The following CENPW variants were observed in gnomAD, a reference collection of about 807,000 sequenced individuals.
CENPW encodes centromere protein W.
A neutral mutation model predicts 11.1 loss-of-function variants in CENPW; 3 were observed. That is an observed-to-expected ratio of 0.27 (90% confidence interval 0.12 to 0.70). The LOEUF is 0.70. Ranked by LOEUF, CENPW falls within the 30% of genes least tolerant of loss-of-function variation. The pLI is 0.77. For synonymous variants in CENPW, 38 were observed against 42.0 expected (o/e 0.91, Z 0.37); for missense variants, 100 against 105.6 (o/e 0.95, Z 0.23).
In CENPW at chr6:126,346,334, CT is replaced by C; in HGVS notation, c.240+20del. The C allele has an allele frequency of 6.6e-7, 1 of 1,519,200 alleles. No individual in the cohort carries two copies. Among genetic ancestry groups the C allele is most frequent in the Admixed American group, 1.7e-5 (1 of 58,240 alleles). 94.1% of individuals were successfully genotyped at this position (1,519,200 alleles called of 1,614,324 possible). A position where few individuals can be genotyped will look rare whatever the true frequency, so the allele number is the denominator to read the frequency against. On this transcript the variant is annotated intron_variant, in intron 2 of 2. Transcript: ENST00000368328. ...CGCAGCAAAGGTAAAATCCAAATTT[CT>C]TTTCTCGAGCAAGAATTAAACTTCA...
the CENPW span, among the ~76,000 whole-genome samples, chr6:126,429,643 T>C: frequency 6.6e-6 from 1 of 152,208 alleles, no homozygotes. Flanking sequence ...AAAACTCTTT[T>C]CTTTATAAAT....
the CENPW span, among the ~76,000 whole-genome samples, chr6:126,471,685 G>GA: frequency 2.6e-5 from 4 of 152,048 alleles, no homozygotes; most frequent in Admixed American, 6.5e-5. Context: ...AAAGTTGGTA[G>GA]AAAAAACCAG....
the CENPW span, among the ~76,000 whole-genome samples, chr6:126,467,001 C>A: frequency 6.6e-6 from 1 of 151,978 alleles, no homozygotes; most frequent in Non-Finnish European, 1.5e-5. Context: ...TCAGAGATGA[C>A]ACAAGTGAAA....
chr6:126,369,901 G>A, the CENPW span, among the ~76,000 whole-genome samples: 1 of 152,110 alleles, frequency 6.6e-6, no homozygotes, highest in Non-Finnish European at 1.5e-5. Context: ...AATTTTTATG[G>A]TTTCTGGTCT....
In CENPW at chr6:126,346,637, A is replaced by G. The variant is rs113358747; in HGVS notation, c.240+319A>G. Among the ~76,000 whole-genome samples the G allele has an allele frequency of 3.0e-3, 454 of 152,196 alleles. 1 individual carries two copies. Among genetic ancestry groups the G allele is most frequent in the Non-Finnish European group, 2.9e-3 (196 of 68,000 alleles). Reference sequence around the variant, plus strand: ...CTTCTTGATCTTTTAAAATTATCCTAATTACCTCATTGTATTAGTCCATTT... The same window carrying G: ...CTTCTTGATCTTTTAAAATTATCCTGATTACCTCATTGTATTAGTCCATTT... On this transcript the variant is annotated intron_variant, in intron 2 of 2. Transcript: ENST00000368328.
intron 1 of CENPW, among the ~76,000 whole-genome samples, chr6:126,344,113 A>G (rs368963164): frequency 3.9e-5 from 6 of 152,216 alleles, no homozygotes; most frequent in East Asian, 1.9e-4. Context: ...GTATTAAGCA[A>G]TGTGTTAAGG....
At chr6:126,359,854 A>C in the CENPW span, among the ~76,000 whole-genome samples, 1 of 151,760 alleles carries the variant, frequency 6.6e-6, no homozygotes, top group Non-Finnish European at 1.5e-5. Context: ...TCTTGAAGAC[A>C]GCAGATAGTT....
chr6:126,445,740 G>T, the CENPW span, among the ~76,000 whole-genome samples: 1 of 150,982 alleles, frequency 6.6e-6, no homozygotes, highest in Non-Finnish European at 1.5e-5. Context: ...CATTAAAATT[G>T]ATTTAGCTTA....
chr6:126,440,051 A>C, the CENPW span, among the ~76,000 whole-genome samples: 1 of 151,676 alleles, frequency 6.6e-6, no homozygotes. Context: ...TGATGAGCAG[A>C]TGCATTTATT....
At chr6:126,426,291 T>A in the CENPW span, among the ~76,000 whole-genome samples, 7 of 152,130 alleles carry the variant, frequency 4.6e-5, no homozygotes, top group Non-Finnish European at 1.0e-4. Flanking sequence ...TGTGATAATT[T>A]GTAGTTGTGG....
chr6:126,407,913 A>ATGCTG, the CENPW span, among the ~76,000 whole-genome samples: 2 of 152,152 alleles, frequency 1.3e-5, no homozygotes, highest in East Asian at 3.9e-4. Context: ...GTTTTTTGCT[A>ATGCTG]TGCTGAAGTT....
At chr6:126,381,663 A>ACTGCTG in the CENPW span, among the ~76,000 whole-genome samples, 1 of 152,056 alleles carries the variant, frequency 6.6e-6, no homozygotes, top group African/African-American at 2.4e-5. Context: ...ACCTTGCCGC[A>ACTGCTG]CTGCTGCTGC....
chr6:126,465,417 G>A, the CENPW span, among the ~76,000 whole-genome samples: 1 of 152,044 alleles, frequency 6.6e-6, no homozygotes, highest in African/African-American at 2.4e-5. Context: ...GCATGGGTTA[G>A]AAAACTCAAT....
intron 1 of CENPW, among the ~76,000 whole-genome samples, chr6:126,343,284 G>A (rs1386370840): frequency 2.0e-5 from 3 of 152,170 alleles, no homozygotes; most frequent in Admixed American, 2.0e-4. Context: ...AAGCCTTAGC[G>A]CATTGGAGTA....
the CENPW span, among the ~76,000 whole-genome samples, chr6:126,423,643 A>G: frequency 6.6e-6 from 1 of 151,820 alleles, no homozygotes; most frequent in African/African-American, 2.4e-5. Context: ...GTAACATGAG[A>G]CTTTTTGGGG....
At chr6:126,380,471 T>C in the CENPW span, among the ~76,000 whole-genome samples, 1 of 152,142 alleles carries the variant, frequency 6.6e-6, no homozygotes, top group Non-Finnish European at 1.5e-5. Context: ...GTGTGTAATG[T>C]TGTTCATGGC....
the CENPW span, among the ~76,000 whole-genome samples, chr6:126,421,346 T>C: frequency 2.2e-4 from 33 of 152,236 alleles, no homozygotes; most frequent in African/African-American, 7.2e-4. Context: ...ATGTCTACCT[T>C]AAAGATCTTT....
At chr6:126,412,916 G>A in the CENPW span, among the ~76,000 whole-genome samples, 1 of 152,054 alleles carries the variant, frequency 6.6e-6, no homozygotes, top group Non-Finnish European at 1.5e-5. Flanking sequence ...GGAAGCAATT[G>A]GTCAAGTCTC....
the CENPW span, among the ~76,000 whole-genome samples, chr6:126,450,648 G>T: frequency 6.6e-6 from 1 of 150,752 alleles, no homozygotes; most frequent in Non-Finnish European, 1.5e-5. Flanking sequence ...TCATGGAAAG[G>T]CATGCTCATG....
Sources: allele counts gnomAD v4.1 joint callset (sites outside exome capture counted in the v4.1 genomes callset), GRCh38; gene constraint gnomAD v4.1.1; transcripts MANE v1.5; gene names NCBI Gene and HGNC (gene_info 2026-07-23, HGNC 2026-07-21).